CEP112: variants seen among roughly 807,000 people sequenced by gnomAD.
The protein encoded by CEP112 is centrosomal protein 112, also known as centrosomal protein of 112 kDa.
In CEP112, 127 loss-of-function variants were observed where a neutral mutation model predicts 153.0. The ratio of observed to expected loss-of-function variants is 0.83; its 90% CI spans 0.72 to 0.96. CEP112 has a LOEUF of 0.96. Among genes scored for constraint, CEP112 ranks in the 40% least tolerant of loss-of-function variants. CEP112 has a pLI of 0.00. For missense variants in CEP112, 1,089 were observed against 1,101.2 expected (o/e 0.99, Z 0.16); for synonymous variants, 358 against 374.4 (o/e 0.96, Z 0.51).
intron 20 of CEP112, among the ~76,000 whole-genome samples, chr17:65,866,201 C>T (rs530172872): frequency 6.6e-6 from 1 of 152,322 alleles, no homozygotes; most frequent in South Asian, 2.1e-4. Flanking sequence ...CTCCCTGCTC[C>T]CGGCACCCAC....
chr17:66,191,963 G>C lies in CEP112; in HGVS notation c.-9+34C>G, dbSNP rs2073178626. Reference sequence around the variant, plus strand: ...TTCCACTCAAGAACCTGGTGGGAGGGGCGGGGGAAGGAAATTCAGAAAAAA... The same window carrying C: ...TTCCACTCAAGAACCTGGTGGGAGGCGCGGGGGAAGGAAATTCAGAAAAAA... On this transcript the variant is annotated intron_variant, in intron 1 of 26. Transcript: ENST00000535342. The surrounding 1 kb of genome is among the most constrained non-coding windows in gnomAD (Gnocchi z 4.2). 1 of 152,936 alleles carries C rather than the reference G, an allele frequency of 6.5e-6. No homozygotes were observed. Among genetic ancestry groups the C allele is most frequent in the Non-Finnish European group, 1.5e-5 (1 of 68,166 alleles). 9.5% of individuals were successfully genotyped at this position (152,936 alleles called of 1,614,324 possible). A position where few individuals can be genotyped will look rare whatever the true frequency, so the allele number is the denominator to read the frequency against.
intron 21 of CEP112, among the ~76,000 whole-genome samples, chr17:65,800,631 A>G (rs532045795): frequency 5.2e-4 from 79 of 152,336 alleles, no homozygotes; most frequent in African/African-American, 1.9e-3. Flanking sequence ...ATCCCCTAGG[A>G]GAGGAAATGC....
At chr17:65,837,456 C>A (rs898517921) in intron 21 of CEP112, among the ~76,000 whole-genome samples, 1 of 152,144 alleles carries the variant, frequency 6.6e-6, no homozygotes, top group East Asian at 1.9e-4. Flanking sequence ...CCAGCCGCTA[C>A]CCCGTCTGGG....
chr17:65,713,410 T>G (rs2049309161), intron 23 of CEP112, among the ~76,000 whole-genome samples: 1 of 152,222 alleles, frequency 6.6e-6, no homozygotes, highest in Admixed American at 6.5e-5. Flanking sequence ...CTATACTGTC[T>G]AAAGAACAAT....
chr17:66,088,856 A>T (rs941439335), intron 8 of CEP112, among the ~76,000 whole-genome samples: 1 of 152,074 alleles, frequency 6.6e-6, no homozygotes, highest in African/African-American at 2.4e-5. Context: ...GGCCTGTCCC[A>T]GTGGACCAAA....
chr17:65,673,594 T>C lies in CEP112; in HGVS notation c.2697+15535A>G, dbSNP rs191425627. 6.0e-4 allele frequency among the ~76,000 whole-genome samples: 92 copies of C among 152,190 alleles called. 1 individual carries two copies. Among genetic ancestry groups the C allele is most frequent in the African/African-American group, 2.2e-3 (91 of 41,538 alleles). ...ACCCCAATCCTTCTCCCACATAATA[T>C]ATCCCACATAACATAACAAATTTGA... On this transcript the variant is annotated intron_variant, in intron 24 of 26. Transcript: ENST00000535342.
chr17:66,189,322 G>A (rs903430597), intron 1 of CEP112, among the ~76,000 whole-genome samples: 8 of 152,006 alleles, frequency 5.3e-5, no homozygotes, highest in African/African-American at 1.9e-4. Flanking sequence ...CCAACATGGT[G>A]AAACCCCGTC....
chr17:65,712,832 A>G (rs929173007), intron 23 of CEP112, among the ~76,000 whole-genome samples: 2 of 152,192 alleles, frequency 1.3e-5, no homozygotes, highest in Non-Finnish European at 2.9e-5. Context: ...GGCGATACTC[A>G]AAAGCAAGAA....
At chr17:65,837,864 T>C (rs1349536318) in intron 21 of CEP112, among the ~76,000 whole-genome samples, 1 of 152,198 alleles carries the variant, frequency 6.6e-6, no homozygotes, top group African/African-American at 2.4e-5. Flanking sequence ...CAAGATGTGC[T>C]TTGTTAAATA....
intron 16 of CEP112, among the ~76,000 whole-genome samples, chr17:66,026,412 C>G (rs1412943598): frequency 6.6e-6 from 1 of 152,114 alleles, no homozygotes; most frequent in Non-Finnish European, 1.5e-5. Flanking sequence ...CAACAAGGAA[C>G]AATTGCTAAT....
chr17:65,932,794 G>A (rs1354807653), intron 18 of CEP112, among the ~76,000 whole-genome samples: 3 of 152,000 alleles, frequency 2.0e-5, no homozygotes, highest in Non-Finnish European at 4.4e-5. Flanking sequence ...AATCATTCAG[G>A]AGAACCCGCC....
intron 20 of CEP112, among the ~76,000 whole-genome samples, chr17:65,876,111 G>C (rs927173367): frequency 1.3e-5 from 2 of 152,106 alleles, no homozygotes; most frequent in African/African-American, 4.8e-5. Context: ...TGGACTGGAT[G>C]TTCTTTCCAG....
intron 21 of CEP112, among the ~76,000 whole-genome samples, chr17:65,773,822 C>T (rs556784393): frequency 3.9e-5 from 6 of 152,114 alleles, no homozygotes; most frequent in African/African-American, 1.2e-4. Flanking sequence ...CAGTAGCTCA[C>T]GACTGTAATC....
intron 6 of CEP112, among the ~76,000 whole-genome samples, chr17:66,119,546 G>T (rs1391512350): frequency 6.6e-6 from 1 of 152,136 alleles, no homozygotes; most frequent in East Asian, 1.9e-4. Flanking sequence ...TTTATTGTGT[G>T]ATTTGATAAT....
chr17:65,794,458 A>G (rs1393329984), intron 21 of CEP112, among the ~76,000 whole-genome samples: 2 of 151,874 alleles, frequency 1.3e-5, no homozygotes, highest in Non-Finnish European at 2.9e-5. Flanking sequence ...GTCTGTGCCT[A>G]CAATTTCTAC....
intron 17 of CEP112, among the ~76,000 whole-genome samples, chr17:65,965,129 C>G (rs2062362442): frequency 6.6e-6 from 1 of 152,072 alleles, no homozygotes; most frequent in African/African-American, 2.4e-5. Context: ...GAATCTTTTT[C>G]CCTATAACAT....
intron 21 of CEP112, among the ~76,000 whole-genome samples, chr17:65,814,048 A>G (rs987451903): frequency 6.6e-6 from 1 of 152,200 alleles, no homozygotes; most frequent in Non-Finnish European, 1.5e-5. Context: ...TATCCTCTAC[A>G]GGTGCCCTTT....
chr17:66,038,110 A>AAAAAAAAAAAAAAAAAAAAAG (rs71293591), intron 12 of CEP112, among the ~76,000 whole-genome samples: 8 of 120,654 alleles, frequency 6.6e-5, no homozygotes, highest in Non-Finnish European at 1.0e-4. Flanking sequence ...CAAAAAAAAA[A>AAAAAAAAAAAAAAAAAAAAAG]AAAAGAAAAG....
chr17:66,167,603 G>A (rs1311150607), intron 4 of CEP112, among the ~76,000 whole-genome samples: 1 of 152,140 alleles, frequency 6.6e-6, no homozygotes, highest in Non-Finnish European at 1.5e-5. Flanking sequence ...AGGTATAGCT[G>A]CCCAGGATTG....
Sources: allele counts gnomAD v4.1 joint callset (sites outside exome capture counted in the v4.1 genomes callset), GRCh38; gene constraint gnomAD v4.1.1; non-coding constraint Gnocchi (gnomAD v3.1); transcripts MANE v1.5; gene names NCBI Gene and HGNC (gene_info 2026-07-23, HGNC 2026-07-21).